Variants in ZNF669 observed in about 807,000 individuals in gnomAD.
The protein encoded by ZNF669 is zinc finger protein 669.
Under a neutral mutation model 11.4 loss-of-function variants are expected in ZNF669, and 7 were observed. The observed-to-expected ratio is 0.62, with a 90% CI of 0.35 to 1.16. The LOEUF (loss-of-function observed/expected upper bound fraction) is 1.16, where lower values mean the gene tolerates loss of function less well. Among genes scored for constraint, ZNF669 ranks in the 50% most tolerant of loss-of-function variants. The pLI, the probability that ZNF669 is intolerant of heterozygous loss-of-function variation, is 0.02. For synonymous variants in ZNF669, 153 were observed against 155.8 expected (o/e 0.98, Z 0.13); for missense variants, 492 against 463.6 (o/e 1.06, Z -0.56).
At chr1:247,103,271 G>T (rs1671759503) in intron 1 of ZNF669, among the ~76,000 whole-genome samples, 1 of 152,198 alleles carries the variant, frequency 6.6e-6, no homozygotes, top group Admixed American at 6.5e-5. Flanking sequence ...GAGGCACAAA[G>T]ATTTTTTTAC....
Position 247,100,415 on chromosome 1 carries a change from T to C in ZNF669, c.1096A>G (p.Asn366Asp), listed in dbSNP as rs1671692787. 1 of 1,613,762 alleles carries C rather than the reference T, an allele frequency of 6.2e-7. No homozygotes were observed. Among genetic ancestry groups the C allele is most frequent in the African/African-American group, 1.3e-5 (1 of 75,048 alleles). ...IEAGCSDSAY[N>D]PSTLGGQGVW... ...CCTTGGCCTCCCAAAGTGCTGGGAT[T>C]ATAGGCTGAGTCACTACACCCAGCC... The change falls in exon 4 of 4, where the codon AAT (asparagine) becomes GAT (aspartate). Residue 366 changes from asparagine to aspartate, a missense_variant. Physicochemically the swap from Asn to Asp is conservative, Grantham distance 23. Coordinates refer to ENST00000448299, the MANE Select transcript of ZNF669 (RefSeq NM_001142572.2).
chr1:247,102,333 T>C (rs574248340), intron 1 of ZNF669, among the ~76,000 whole-genome samples: 1 of 152,334 alleles, frequency 6.6e-6, no homozygotes, highest in Non-Finnish European at 1.5e-5. Context: ...AAAGTGGAAA[T>C]ACCCATCTCA....
chr1:247,101,709 T>C, intron 3 of ZNF669, 22 bp downstream of exon 3: 1 of 1,602,810 alleles, frequency 6.2e-7, no homozygotes, highest in Non-Finnish European at 8.5e-7. Context: ...GGACTTTATT[T>C]CCTCTGCTCA....
rs1458696683 is a variant in ZNF669 at position 247,102,033 on chromosome 1, G to A, written c.84C>T (p.Leu28=). 30 of 1,613,588 alleles carry A rather than the reference G, an allele frequency of 1.9e-5. No individual in the cohort carries two copies. In the Admixed American group the frequency reaches 4.2e-4, roughly 22 times the overall value. ...WALLDSSQKN[L]YREVMQETCR... ...AGGTTTCCTGCATCACTTCTCTGTA[G>A]AGATTCTTCTGAGAAGAATCTAGCA... Residue 28 remains leucine (L), a synonymous_variant, in exon 2 of 4, where the codon CTC becomes CTT. Transcript: ENST00000448299.
chr1:247,100,487 T>C lies in ZNF669; in HGVS notation c.1024A>G (p.Thr342Ala), dbSNP rs149277610. Residue 342 changes from threonine (T) to alanine (A), a missense_variant, in exon 4 of 4, where the codon ACT (threonine) becomes GCT (alanine). By Grantham distance (58) the Thr-to-Ala change is moderately conservative. Coordinates refer to ENST00000448299, the MANE Select transcript of ZNF669 (RefSeq NM_001142572.2). Reference sequence around the variant, plus strand: ...TGGCGAGTAAGGTGACTGGAACGAGTGTAGGCTTTACCGCATTTCTTACAT... The same window carrying C: ...TGGCGAGTAAGGTGACTGGAACGAGCGTAGGCTTTACCGCATTTCTTACAT... ...YECKKCGKAY[T>A]RSSHLTRHER... 65 of 1,614,034 alleles carry C rather than the reference T, an allele frequency of 4.0e-5. No homozygotes were observed. Among genetic ancestry groups the C allele is most frequent in the African/African-American group, 2.5e-4 (19 of 74,892 alleles).
rs377662096 is a variant in ZNF669, at chr1:247,100,430, T to C, written c.1081A>G (p.Ser361Gly). ...GTGCTGGGATTATAGGCTGAGTCAC[T>C]ACACCCAGCCTCTATATCATGACTT... Reference protein sequence around the residue: ...ERSHDIEAGCSDSAYNPSTLG... With the variant: ...ERSHDIEAGCGDSAYNPSTLG... The change falls in exon 4 of 4, where the codon AGT becomes GGT. Residue 361 changes from serine to glycine, a missense_variant. Physicochemically the swap from Ser to Gly is moderately conservative, Grantham distance 56. Transcript: ENST00000448299. The C allele has an allele frequency of 1.2e-6, 2 of 1,613,914 alleles. No individual in the cohort carries two copies. Among genetic ancestry groups the C allele is most frequent in the African/African-American group, 1.3e-5 (1 of 74,936 alleles).
chr1:247,103,584 G>A (rs1191185448), intron 1 of ZNF669, among the ~76,000 whole-genome samples: 1 of 128,286 alleles, frequency 7.8e-6, no homozygotes, highest in African/African-American at 2.9e-5. Flanking sequence ...CAATGAGTGA[G>A]ACTGCATCAT....
In ZNF669 at chr1:247,101,970, T is replaced by C. The variant is rs1671734280; in HGVS notation, c.130+17A>G. 6.2e-7 allele frequency: 1 copy of C among 1,613,890 alleles called. No homozygotes were observed. Among genetic ancestry groups the C allele is most frequent in the African/African-American group, 1.3e-5 (1 of 74,942 alleles). On this transcript the variant is annotated intron_variant, in intron 2 of 3. Coordinates refer to ENST00000448299, the MANE Select transcript of ZNF669 (RefSeq NM_001142572.2). ...GAAAGACTTCTGTAATTAACTGAAA[T>C]GTGTTGTCATTCTTACCTACAGAAG...
Position 247,104,061 on chromosome 1 carries a change from G to A in ZNF669, c.3+136C>T, listed in dbSNP as rs1671789714. 3.2e-6 allele frequency: 5 copies of A among 1,582,970 alleles called. No homozygotes were observed. The South Asian group carries it at 5.7e-5, about 18-fold the overall frequency. On this transcript the variant is annotated intron_variant, in intron 1 of 3. Transcript: ENST00000448299. The stretch of plus-strand genomic sequence containing the variant: ...GCCCGGCCCGGCCCTGAACAGAAGA[G>A]GACTGAGCCCCGGCTACGCCACGGC...
chr1:247,103,958 G>C (rs1318477289), intron 1 of ZNF669: 1 of 1,603,512 alleles, frequency 6.2e-7, no homozygotes, highest in Admixed American at 1.7e-5. Context: ...GGAGGCGAGG[G>C]GTTCCCGACA....
rs943437276 is a variant in ZNF669, at chr1:247,104,350, G to A, written c.-151C>T. ...ACAGGAAGAGCCGGCTCCGGCGAAG[G>A]AGAGACAAAGCAACCGCCAGGCAGA... is the stretch of plus-strand genomic sequence containing the variant. On this transcript the variant is annotated 5_prime_UTR_variant, in exon 1 of 4. Transcript: ENST00000448299. 9.6e-6 allele frequency: 11 copies of A among 1,143,708 alleles called. No homozygotes were observed. The highest frequency in any genetic ancestry group is 1.6e-5 in the African/African-American group (1 of 61,870). The allele number at this position is 1,143,708 out of a possible 1,614,324, so 70.8% of individuals were successfully genotyped here. A position where few individuals can be genotyped will look rare whatever the true frequency, so the allele number is the denominator to read the frequency against.
At chr1:247,102,238 G>T in intron 1 of ZNF669, 125 bp from the exon 2 acceptor site, 1 of 1,154,048 alleles carries the variant, frequency 8.7e-7, no homozygotes, top group Non-Finnish European at 1.2e-6. Flanking sequence ...TGACTTGATT[G>T]TCACAACTCT....
At chr1:247,104,155 G>C in intron 1 of ZNF669, 42 bp downstream of exon 1, 1 of 1,553,356 alleles carries the variant, frequency 6.4e-7, no homozygotes, top group South Asian at 1.2e-5. Flanking sequence ...GTTTCAACCA[G>C]CCCTCTTCTC....
In ZNF669 at chr1:247,104,208, T is replaced by C; in HGVS notation, c.-9A>G. ...CGCAGTCCACTCACCATTCCTCGGCTTCCCGGGTGTCCTGGCGTCAGCTAG... is the reference window on the plus strand; with the variant it reads ...CGCAGTCCACTCACCATTCCTCGGCCTCCCGGGTGTCCTGGCGTCAGCTAG... On this transcript the variant is annotated 5_prime_UTR_variant, in exon 1 of 4. Transcript: ENST00000448299. 2 of 1,512,836 alleles carry C rather than the reference T, an allele frequency of 1.3e-6. No individual in the cohort carries two copies. Among genetic ancestry groups the C allele is most frequent in the Middle Eastern group, 1.8e-4 (1 of 5,580 alleles). The allele number at this position is 1,512,836 out of a possible 1,614,324, so 93.7% of individuals were successfully genotyped here.
rs768604896 is a variant in ZNF669, at chr1:247,100,882, T to C, written c.629A>G (p.His210Arg). 1.3e-5 allele frequency: 21 copies of C among 1,614,098 alleles called. No homozygotes were observed. In the East Asian group the frequency reaches 3.6e-4, roughly 27 times the overall value. The stretch of plus-strand genomic sequence containing the variant: ...TTTCTCTCCAGTGTGAGTTCGTTCA[T>C]GTATTAGACAAGAACCGGAAACAGT... ...AFTVSGSCLI[H>R]ERTHTGEKPY... The change falls in exon 4 of 4, where the codon CAT becomes CGT. Residue 210 changes from histidine to arginine, a missense_variant. Transcript: ENST00000448299.
Position 247,100,486 on chromosome 1 carries a change from G to T in ZNF669, c.1025C>A (p.Thr342Asn), listed in dbSNP as rs774810685. Residue 342 changes from threonine (T) to asparagine (N), a missense_variant, in exon 4 of 4, where the codon ACT (threonine) becomes AAT (asparagine). Transcript: ENST00000448299. ...YECKKCGKAY[T>N]RSSHLTRHER... ...ATGGCGAGTAAGGTGACTGGAACGA[G>T]TGTAGGCTTTACCGCATTTCTTACA... The T allele has an allele frequency of 1.2e-6, 2 of 1,614,136 alleles. No individual in the cohort carries two copies. The highest frequency in any genetic ancestry group is 2.7e-5 in the African/African-American group (2 of 74,942).
chr1:247,102,158 C>T (rs1671739152), intron 1 of ZNF669, 45 bp from the exon 2 acceptor site: 2 of 1,536,834 alleles, frequency 1.3e-6, no homozygotes, highest in African/African-American at 2.8e-5. Context: ...GTGAGACTGA[C>T]AGCACTGGGA....
At position 247,102,185 on chromosome 1, in the gene ZNF669, T is replaced by C. The variant is rs1671739491; in HGVS notation, c.4-72A>G. 4 of 1,488,880 alleles carry C rather than the reference T, an allele frequency of 2.7e-6. No homozygotes were observed. In the Admixed American group the frequency reaches 9.4e-5, roughly 35 times the overall value. 92.2% of individuals were successfully genotyped at this position (1,488,880 alleles called of 1,614,324 possible). On this transcript the variant is annotated intron_variant, in intron 1 of 3. Coordinates refer to ENST00000448299, the MANE Select transcript of ZNF669 (RefSeq NM_001142572.2). ...GCACTGGGAATCTATACTCAATTCATAAGCTGTTTACATGATTTGATAATT... is the reference window on the plus strand; with the variant it reads ...GCACTGGGAATCTATACTCAATTCACAAGCTGTTTACATGATTTGATAATT...
chr1:247,102,652 G>A (rs991257593), intron 1 of ZNF669, among the ~76,000 whole-genome samples: 2 of 152,326 alleles, frequency 1.3e-5, no homozygotes, highest in African/African-American at 4.8e-5. Context: ...TGTCACTGCA[G>A]TGGTGCTTAG....
Sources: gnomAD v4.1 joint callset for allele counts (sites outside exome capture counted in the v4.1 genomes callset) on GRCh38, gnomAD v4.1.1 for gene constraint, MANE v1.5 for transcripts, NCBI Gene and HGNC (gene_info 2026-07-23, HGNC 2026-07-21) for gene names.